The following ZC3H11A variants were observed in gnomAD, a reference collection of about 807,000 sequenced individuals.
ZC3H11A encodes zinc finger CCCH-type containing 11A, also known as zinc finger CCCH domain-containing protein 11A.
In ZC3H11A, 22 loss-of-function variants were observed where a neutral mutation model predicts 90.8. That is an observed-to-expected ratio of 0.24 (90% confidence interval 0.17 to 0.35). ZC3H11A has a LOEUF of 0.35. Ranked by LOEUF, ZC3H11A falls within the 10% of genes least tolerant of loss-of-function variation. ZC3H11A has a pLI of 1.00. For missense variants in ZC3H11A, 701 were observed against 964.9 expected, an observed-to-expected ratio of 0.73 and a Z score of 3.62; for synonymous variants, 294 against 339.8, an observed-to-expected ratio of 0.87 and a Z score of 1.48.
intron 12 of ZC3H11A, among the ~76,000 whole-genome samples, chr1:203,846,153 AT>A (rs548563871): frequency 8.1e-6 from 1 of 123,478 alleles, no homozygotes; most frequent in African/African-American, 2.9e-5. Context: ...AAAAGATATA[AT>A]TTTTTTGGGG....
chr1:203,833,380 A>AAC (rs1683090368), intron 9 of ZC3H11A, among the ~76,000 whole-genome samples: 1 of 119,816 alleles, frequency 8.3e-6, no homozygotes. Flanking sequence ...AAAAAAAAAA[A>AAC]AAAACACCAG....
At chr1:203,824,226 C>T (rs927837874) in intron 4 of ZC3H11A, among the ~76,000 whole-genome samples, 1 of 150,652 alleles carries the variant, frequency 6.6e-6, no homozygotes, top group Non-Finnish European at 1.5e-5. Flanking sequence ...CGAGATTACA[C>T]CACTGTACTC....
intron 1 of ZC3H11A, chr1:203,798,965 C>A (rs910027183): frequency 1.3e-6 from 2 of 1,536,074 alleles, no homozygotes; most frequent in Non-Finnish European, 1.7e-6. Context: ...AAAAGATACA[C>A]CTGACTGTTG....
At chr1:203,829,675 T>C in intron 6 of ZC3H11A, 21 bp downstream of exon 6, 1 of 1,614,120 alleles carries the variant, frequency 6.2e-7, no homozygotes, top group Non-Finnish European at 8.5e-7. Flanking sequence ...TCTGGCTCCT[T>C]CTTTAAGGCA....
intron 12 of ZC3H11A, among the ~76,000 whole-genome samples, chr1:203,846,569 T>C (rs1000412682): frequency 3.3e-5 from 5 of 152,250 alleles, no homozygotes; most frequent in Non-Finnish European, 7.3e-5. Context: ...AGTTTAATTA[T>C]TGATCTGTTA....
At chr1:203,805,778 C>A in intron 2 of ZC3H11A, 1 of 702,968 alleles carries the variant, frequency 1.4e-6, no homozygotes, top group Non-Finnish European at 2.7e-6. Flanking sequence ...GTATCCAACT[C>A]TGCTTCTAGG....
chr1:203,805,651 A>G, intron 2 of ZC3H11A: 2 of 704,330 alleles, frequency 2.8e-6, no homozygotes, highest in South Asian at 2.7e-5. Flanking sequence ...ATCCAAATTC[A>G]TCCACCAGAA....
chr1:203,850,007 C>G lies in ZC3H11A; in HGVS notation c.1920C>G (p.Thr640=). The stretch of plus-strand genomic sequence containing the variant: ...TGAATGTGAAATGTGCAGCACAGAC[C>G]TTGGAAAAAAGGGGTAAAGGCAAGT... The part of the protein sequence containing the change: ...SLLNVKCAAQ[T]LEKRGKAKPK... The change falls in exon 15 of 18, where the codon ACC becomes ACG. Residue 640 remains threonine, a synonymous_variant. Transcript: ENST00000367210. 1 of 1,613,530 alleles carries G rather than the reference C, an allele frequency of 6.2e-7. No individual in the cohort carries two copies. The highest frequency in any genetic ancestry group is 1.1e-5 in the South Asian group (1 of 91,044).
intron 2 of ZC3H11A, among the ~76,000 whole-genome samples, chr1:203,811,075 A>G: frequency 6.8e-6 from 1 of 147,900 alleles, no homozygotes; most frequent in Non-Finnish European, 1.5e-5. Flanking sequence ...CAGAAGGTGG[A>G]GGTTGCAATG....
chr1:203,798,810 A>G (rs1224677293), intron 1 of ZC3H11A: 5 of 1,536,010 alleles, frequency 3.3e-6, no homozygotes, highest in Non-Finnish European at 4.4e-6. Flanking sequence ...CTATTTCTCA[A>G]CCCCAGCCTT....
intron 11 of ZC3H11A, among the ~76,000 whole-genome samples, chr1:203,838,492 G>C (rs187287784): frequency 2.6e-5 from 4 of 152,238 alleles, no homozygotes; most frequent in Non-Finnish European, 2.9e-5. Flanking sequence ...CTCAGGCAGA[G>C]AGAATAACTC....
Position 203,852,315 on chromosome 1 carries a change from C to A in ZC3H11A, c.2349C>A (p.Gly783=), listed in dbSNP as rs2103486176. 6.2e-7 allele frequency: 1 copy of A among 1,613,604 alleles called. No homozygotes were observed. The highest frequency in any genetic ancestry group is 8.5e-7 in the Non-Finnish European group (1 of 1,179,840). Residue 783 remains glycine, a synonymous_variant, in exon 18 of 18, where the codon GGC becomes GGA. Coordinates refer to ENST00000367210, the MANE Select transcript of ZC3H11A (RefSeq NM_001376342.1). ...AACTAATATGGGAGATTTCAGGAGG[C>A]AAATTGGAAGCTGAGATTGACCTGG... ...FEKLIWEISG[G]KLEAEIDLDP... is the part of the protein sequence containing the mutation.
At position 203,812,357 on chromosome 1, in the gene ZC3H11A, T is replaced by C. The variant is rs1157617226; in HGVS notation, c.-145-4569T>C. ...GTTCTCAGCATTTAGCTCCCACTTATAAGTGAGAACATGCTGTATTTGGTT... is the reference window on the plus strand; with the variant it reads ...GTTCTCAGCATTTAGCTCCCACTTACAAGTGAGAACATGCTGTATTTGGTT... On this transcript the variant is annotated intron_variant, in intron 2 of 17. Coordinates refer to ENST00000367210, the MANE Select transcript of ZC3H11A (RefSeq NM_001376342.1). Among the ~76,000 whole-genome samples the C allele has an allele frequency of 5.9e-5, 9 of 152,184 alleles. No individual in the cohort carries two copies. The South Asian group carries it at 1.2e-3, about 21-fold the overall frequency.
intron 4 of ZC3H11A, among the ~76,000 whole-genome samples, chr1:203,826,939 A>C (rs1218242487): frequency 6.6e-6 from 1 of 152,118 alleles, no homozygotes; most frequent in Non-Finnish European, 1.5e-5. Flanking sequence ...TATTAGCAGT[A>C]ATCTATCTTC....
At chr1:203,819,160 G>A (rs542622677) in intron 4 of ZC3H11A, among the ~76,000 whole-genome samples, 4 of 143,448 alleles carry the variant, frequency 2.8e-5, no homozygotes, top group Non-Finnish European at 4.5e-5. Context: ...ATACACACAC[G>A]TGTATATATG....
At chr1:203,797,621 T>A (rs1017651586) in intron 1 of ZC3H11A, 17 of 1,535,942 alleles carry the variant, frequency 1.1e-5, no homozygotes, top group Non-Finnish European at 1.5e-5. Flanking sequence ...GTGTTCCTAT[T>A]AATTCTAATA....
chr1:203,808,646 G>T (rs1369817885), intron 2 of ZC3H11A, among the ~76,000 whole-genome samples: 3 of 151,996 alleles, frequency 2.0e-5, no homozygotes, highest in Non-Finnish European at 4.4e-5. Flanking sequence ...TTTTGGTTTG[G>T]ATTCGTGGAG....
chr1:203,847,377 A>C lies in ZC3H11A; in HGVS notation c.1236A>C (p.Glu412Asp), dbSNP rs1311088993. 1 of 1,614,000 alleles carries C rather than the reference A, an allele frequency of 6.2e-7. No individual in the cohort carries two copies. The highest frequency in any genetic ancestry group is 1.7e-5 in the Admixed American group (1 of 60,010). The change falls in exon 13 of 18, where the codon GAA becomes GAC. Residue 412 changes from glutamate to aspartate, a missense_variant. Physicochemically the swap from Glu to Asp is conservative, Grantham distance 45. Transcript: ENST00000367210. Reference protein sequence around the residue: ...RIKTFSEVLAEKKHRQQEAER... With the variant: ...RIKTFSEVLADKKHRQQEAER... The stretch of plus-strand genomic sequence containing the variant: ...AAACCTTCTCTGAGGTCCTGGCTGA[A>C]AAAAAACATCGGCAGCAGGAAGCAG...
chr1:203,842,723 A>G (rs1447994681), intron 12 of ZC3H11A, among the ~76,000 whole-genome samples: 1 of 151,634 alleles, frequency 6.6e-6, no homozygotes, highest in Non-Finnish European at 1.5e-5. Flanking sequence ...GTAAAGATAT[A>G]AACATATACC....
Sources: gnomAD v4.1 joint callset for allele counts (sites outside exome capture counted in the v4.1 genomes callset) on GRCh38, gnomAD v4.1.1 for gene constraint, MANE v1.5 for transcripts, NCBI Gene and HGNC (gene_info 2026-07-23, HGNC 2026-07-21) for gene names.